SCFD2: variants seen among roughly 807,000 people sequenced by gnomAD.
The protein encoded by SCFD2 is sec1 family domain-containing protein 2.
In SCFD2, 54 loss-of-function variants were observed where a neutral mutation model predicts 58.9. The ratio of observed to expected loss-of-function variants is 0.92; its 90% CI spans 0.74 to 1.15. SCFD2 has a LOEUF of 1.15. Ranked by LOEUF, SCFD2 falls within the 50% of genes most tolerant of loss-of-function variation. The pLI is 0.00. For missense variants in SCFD2, 805 were observed against 836.6 expected, an observed-to-expected ratio of 0.96 and a Z score of 0.47; for synonymous variants, 321 against 335.9, an observed-to-expected ratio of 0.96 and a Z score of 0.49.
chr4:52,963,125 G>A (rs1226833446), intron 5 of SCFD2, among the ~76,000 whole-genome samples: 1 of 152,006 alleles, frequency 6.6e-6, no homozygotes, highest in Non-Finnish European at 1.5e-5. Flanking sequence ...TTACCAAGTC[G>A]AAGTCTCCAG....
intron 6 of SCFD2, among the ~76,000 whole-genome samples, chr4:52,918,331 T>C (rs1719655675): frequency 6.6e-6 from 1 of 152,210 alleles, no homozygotes; most frequent in African/African-American, 2.4e-5. Context: ...GTAATAAATA[T>C]ATATGTATTG....
chr4:52,999,794 G>A (rs1721825653), intron 5 of SCFD2, among the ~76,000 whole-genome samples: 1 of 152,180 alleles, frequency 6.6e-6, no homozygotes, highest in Admixed American at 6.5e-5. Context: ...GTTGCATTAT[G>A]ATCATCACGG....
chr4:53,067,561 T>A (rs917539898), intron 5 of SCFD2, among the ~76,000 whole-genome samples: 1 of 152,028 alleles, frequency 6.6e-6, no homozygotes, highest in African/African-American at 2.4e-5. Context: ...CATGTTGTTC[T>A]TGTGGATAGT....
In SCFD2 at chr4:52,915,551, T is replaced by C. The variant is rs75470300; in HGVS notation, c.1707+5174A>G. Among the ~76,000 whole-genome samples, 1,300 of 152,332 alleles carry C rather than the reference T, an allele frequency of 8.5e-3. 24 individuals are homozygous for C. The highest frequency in any genetic ancestry group is 0.03 in the African/African-American group (1,238 of 41,580). ...CTTCTTAAAGGAAACAATTTATTTGTAGATTTAAAAATGGTTCATTTGTCT... is the reference window on the plus strand; with the variant it reads ...CTTCTTAAAGGAAACAATTTATTTGCAGATTTAAAAATGGTTCATTTGTCT... On this transcript the variant is annotated intron_variant, in intron 6 of 8. Transcript: ENST00000401642.
intron 5 of SCFD2, among the ~76,000 whole-genome samples, chr4:53,012,692 C>T (rs1359239890): frequency 6.6e-6 from 1 of 152,108 alleles, no homozygotes; most frequent in East Asian, 1.9e-4. Flanking sequence ...TTTTCTGGTA[C>T]TGCTCATCAG....
intron 2 of SCFD2, among the ~76,000 whole-genome samples, chr4:53,338,236 G>C (rs1733741828): frequency 6.6e-6 from 1 of 152,162 alleles, no homozygotes; most frequent in Non-Finnish European, 1.5e-5. Context: ...TGGCATAGCA[G>C]CAATGAGAAA....
chr4:53,234,055 G>C (rs1729520342), intron 4 of SCFD2, among the ~76,000 whole-genome samples: 3 of 152,170 alleles, frequency 2.0e-5, no homozygotes, highest in African/African-American at 7.2e-5. Flanking sequence ...TAGAAAAGCA[G>C]GACTCAGATA....
At chr4:53,002,866 G>T (rs1361507592) in intron 5 of SCFD2, among the ~76,000 whole-genome samples, 3 of 152,160 alleles carry the variant, frequency 2.0e-5, no homozygotes, top group Admixed American at 6.5e-5. Context: ...CTGCTTCTAG[G>T]GAGACCTCAG....
intron 5 of SCFD2, among the ~76,000 whole-genome samples, chr4:53,095,816 AC>A (rs1426963353): frequency 6.8e-6 from 1 of 147,210 alleles, no homozygotes; most frequent in Non-Finnish European, 1.5e-5. Flanking sequence ...GGTGTGCTGC[AC>A]CCATTAACTC....
intron 5 of SCFD2, among the ~76,000 whole-genome samples, chr4:53,053,243 C>T (rs146169525): frequency 1.3e-5 from 2 of 149,724 alleles, no homozygotes; most frequent in East Asian, 3.9e-4. Flanking sequence ...AAAAAACTGG[C>T]AAAACAAATA....
rs964808300 is a variant in SCFD2 at position 52,977,600 on chromosome 4, A to T, written c.1562-56730T>A. On this transcript the variant is annotated intron_variant, in intron 5 of 8. Transcript: ENST00000401642. ...AAGAGGGTATTACGTTTCCTTCTAG[A>T]TTATTCTATTCAGTTAAAAATGGAA... Among the ~76,000 whole-genome samples, 98 of 152,310 alleles carry T rather than the reference A, an allele frequency of 6.4e-4. No individual in the cohort carries two copies. In the Middle Eastern group the frequency reaches 0.014, roughly 21 times the overall value.
At chr4:53,060,420 A>C (rs1462176822) in intron 5 of SCFD2, among the ~76,000 whole-genome samples, 2 of 152,148 alleles carry the variant, frequency 1.3e-5, no homozygotes, top group East Asian at 3.9e-4. Flanking sequence ...AAATGTCCTC[A>C]AGAGGTTGAA....
intron 5 of SCFD2, among the ~76,000 whole-genome samples, chr4:53,140,892 C>T (rs2148908912): frequency 6.6e-6 from 1 of 152,206 alleles, no homozygotes; most frequent in South Asian, 2.1e-4. Context: ...GATGTTAGCA[C>T]ACTTAAATTT....
chr4:53,173,163 C>A (rs902706153), intron 4 of SCFD2, among the ~76,000 whole-genome samples: 2 of 152,050 alleles, frequency 1.3e-5, no homozygotes, highest in Non-Finnish European at 2.9e-5. Flanking sequence ...AGTACAGATG[C>A]CCCTTAACTT....
At chr4:53,039,433 C>T (rs904750793) in intron 5 of SCFD2, among the ~76,000 whole-genome samples, 3 of 152,152 alleles carry the variant, frequency 2.0e-5, no homozygotes, top group African/African-American at 7.2e-5. Flanking sequence ...TAGAATGTAG[C>T]CTGAACTTCT....
At chr4:53,260,318 G>A (rs1174475870) in intron 4 of SCFD2, among the ~76,000 whole-genome samples, 1 of 152,034 alleles carries the variant, frequency 6.6e-6, no homozygotes, top group Non-Finnish European at 1.5e-5. Flanking sequence ...GTTCTCAGAG[G>A]GGATGCTTCC....
intron 2 of SCFD2, among the ~76,000 whole-genome samples, chr4:53,330,632 T>C (rs1733418217): frequency 6.6e-6 from 1 of 152,082 alleles, no homozygotes; most frequent in Admixed American, 6.6e-5. Context: ...TACCAGCCGC[T>C]GCAAAATCAT....
intron 5 of SCFD2, among the ~76,000 whole-genome samples, chr4:53,107,525 G>A (rs1162513967): frequency 6.6e-6 from 1 of 152,018 alleles, no homozygotes; most frequent in Admixed American, 6.6e-5. Flanking sequence ...TAAAGAGATG[G>A]AGGGATATTT....
At chr4:52,912,726 G>A (rs1719515572) in intron 6 of SCFD2, among the ~76,000 whole-genome samples, 2 of 152,268 alleles carry the variant, frequency 1.3e-5, no homozygotes, top group South Asian at 4.1e-4. Context: ...ACCATTTTGT[G>A]CCCTAAATCA....
Sources: allele counts gnomAD v4.1 joint callset (sites outside exome capture counted in the v4.1 genomes callset), GRCh38; gene constraint gnomAD v4.1.1; transcripts MANE v1.5; gene names NCBI Gene and HGNC (gene_info 2026-07-23, HGNC 2026-07-21).